SLC25A13: variants seen among roughly 807,000 people sequenced by gnomAD.
SLC25A13 encodes the protein electrogenic aspartate/glutamate antiporter SLC25A13, mitochondrial.
SLC25A13 carries 70 observed loss-of-function variants against 85.5 expected under a neutral mutation model. The ratio of observed to expected loss-of-function variants is 0.82; its 90% CI spans 0.68 to 1.00. The LOEUF is 1.00. Among genes scored for constraint, SLC25A13 ranks in the 50% least tolerant of loss-of-function variants. The probability of loss-of-function intolerance (pLI) is 0.00; values close to 1 mark genes in which losing one functional copy is unlikely to be tolerated. For missense variants in SLC25A13, 765 were observed against 819.8 expected (o/e 0.93, Z 0.82); for synonymous variants, 259 against 288.7 (o/e 0.90, Z 1.04).
At chr7:96,209,534 C>A (rs562188325) in intron 4 of SLC25A13, among the ~76,000 whole-genome samples, 12 of 152,102 alleles carry the variant, frequency 7.9e-5, no homozygotes, top group Non-Finnish European at 1.3e-4. Flanking sequence ...TCGAGCTGCA[C>A]GTGAAGACAA....
chr7:96,241,932 T>C (rs1357591196), intron 3 of SLC25A13, among the ~76,000 whole-genome samples: 1 of 152,164 alleles, frequency 6.6e-6, no homozygotes, highest in Non-Finnish European at 1.5e-5. Flanking sequence ...CCCCATGTGA[T>C]CCCTTTCATC....
chr7:96,126,581 A>G (rs1034538789), intron 15 of SLC25A13, among the ~76,000 whole-genome samples: 2 of 152,152 alleles, frequency 1.3e-5, no homozygotes, highest in Non-Finnish European at 2.9e-5. Flanking sequence ...CCTCCACCCC[A>G]GGCATTCTAT....
At chr7:96,201,675 A>C (rs534730844) in intron 5 of SLC25A13, among the ~76,000 whole-genome samples, 1 of 152,332 alleles carries the variant, frequency 6.6e-6, no homozygotes, top group South Asian at 2.1e-4. Flanking sequence ...GGCTTCAGCC[A>C]GTTCTACTAC....
At chr7:96,186,367 T>C (rs1285006221) in intron 9 of SLC25A13, among the ~76,000 whole-genome samples, 1 of 152,154 alleles carries the variant, frequency 6.6e-6, no homozygotes, top group East Asian at 1.9e-4. Context: ...AGGCGGAGGC[T>C]GCAGTGAGCC....
chr7:96,203,650 T>C (rs941950891), intron 5 of SLC25A13, among the ~76,000 whole-genome samples: 1 of 152,210 alleles, frequency 6.6e-6, no homozygotes, highest in Non-Finnish European at 1.5e-5. Context: ...TTTGTAGTAA[T>C]CCTAGACTTT....
chr7:96,271,387 A>G (rs1034188980), intron 3 of SLC25A13, among the ~76,000 whole-genome samples: 1 of 152,256 alleles, frequency 6.6e-6, no homozygotes, highest in Non-Finnish European at 1.5e-5. Flanking sequence ...AGATGTTCAC[A>G]GTTTTTGCAA....
intron 9 of SLC25A13, among the ~76,000 whole-genome samples, chr7:96,187,822 C>A (rs1032042105): frequency 6.6e-6 from 1 of 152,192 alleles, no homozygotes; most frequent in Non-Finnish European, 1.5e-5. Context: ...CACAGGTGGA[C>A]GACCTCCCTT....
At chr7:96,226,503 T>C (rs898596755) in intron 4 of SLC25A13, among the ~76,000 whole-genome samples, 7 of 152,158 alleles carry the variant, frequency 4.6e-5, no homozygotes, top group Non-Finnish European at 1.0e-4. Context: ...TGGATAAATA[T>C]CCAGAAGTGA....
At chr7:96,298,623 G>A (rs2116998822) in intron 1 of SLC25A13, among the ~76,000 whole-genome samples, 1 of 152,054 alleles carries the variant, frequency 6.6e-6, no homozygotes, top group South Asian at 2.1e-4. Flanking sequence ...AGTACAGATG[G>A]GGTTTTACCA....
intron 1 of SLC25A13, among the ~76,000 whole-genome samples, chr7:96,318,228 C>T (rs1462297283): frequency 2.0e-5 from 3 of 152,162 alleles, no homozygotes; most frequent in Admixed American, 6.5e-5. Flanking sequence ...CTCAAGGGAG[C>T]ATATTCTAAC....
intron 3 of SLC25A13, among the ~76,000 whole-genome samples, chr7:96,240,740 T>G: frequency 8.3e-6 from 1 of 121,104 alleles, no homozygotes; most frequent in African/African-American, 3.0e-5. Flanking sequence ...TGAGACACCA[T>G]CTACTAGAAA....
intron 5 of SLC25A13, among the ~76,000 whole-genome samples, chr7:96,197,658 T>C (rs1320078833): frequency 1.3e-5 from 2 of 152,198 alleles, no homozygotes; most frequent in African/African-American, 4.8e-5. Context: ...GTCAAGAGAC[T>C]GACAGCTCCT....
At chr7:96,242,927 A>C (rs994423428) in intron 3 of SLC25A13, among the ~76,000 whole-genome samples, 2 of 151,728 alleles carry the variant, frequency 1.3e-5, no homozygotes, top group African/African-American at 2.4e-5. Flanking sequence ...GGTCACTCAT[A>C]CCTGGCTCAG....
At chr7:96,161,969 A>C (rs1411821357) in intron 13 of SLC25A13, among the ~76,000 whole-genome samples, 4 of 152,262 alleles carry the variant, frequency 2.6e-5, no homozygotes, top group Non-Finnish European at 5.9e-5. Flanking sequence ...CATCACTATA[A>C]TGCATAATGT....
chr7:96,295,769 C>A (rs978132222), intron 2 of SLC25A13, among the ~76,000 whole-genome samples: 2 of 151,900 alleles, frequency 1.3e-5, no homozygotes, highest in Non-Finnish European at 2.9e-5. Flanking sequence ...TCATTTGACA[C>A]CCTGGTCCTC....
At chr7:96,144,177 G>T (rs1434377836) in intron 14 of SLC25A13, among the ~76,000 whole-genome samples, 4 of 152,166 alleles carry the variant, frequency 2.6e-5, no homozygotes, top group Non-Finnish European at 5.9e-5. Flanking sequence ...AGGTGAAGTG[G>T]GGTGGGGCTG....
intron 4 of SLC25A13, among the ~76,000 whole-genome samples, chr7:96,218,780 T>C (rs1323975200): frequency 6.6e-6 from 1 of 152,174 alleles, no homozygotes; most frequent in African/African-American, 2.4e-5. Flanking sequence ...AAGTAACCCC[T>C]CTTGGAGGCA....
At chr7:96,126,326 T>C (rs1012890835) in intron 15 of SLC25A13, among the ~76,000 whole-genome samples, 1 of 152,188 alleles carries the variant, frequency 6.6e-6, no homozygotes. Flanking sequence ...TCACTTTATT[T>C]TTTCCTGCAT....
rs542012842 is a variant in SLC25A13, at chr7:96,178,243, T to G, written c.1177+6034A>C. ...GGTTGAAGCCACGCTGAGCGGCTAC[T>G]GTAACCCAGAGTGGCCAGGGTGCCA... On this transcript the variant is annotated intron_variant, in intron 11 of 17. Transcript: ENST00000265631. Among the ~76,000 whole-genome samples the G allele has an allele frequency of 2.0e-5, 3 of 152,304 alleles. No homozygotes were observed. In the East Asian group the frequency reaches 5.8e-4, roughly 29 times the overall value.
Sources: gnomAD v4.1 joint callset for allele counts (sites outside exome capture counted in the v4.1 genomes callset) on GRCh38, gnomAD v4.1.1 for gene constraint, MANE v1.5 for transcripts, NCBI Gene and HGNC (gene_info 2026-07-23, HGNC 2026-07-21) for gene names.